Variants in TTC6 observed in about 807,000 individuals in gnomAD.
TTC6 encodes tetratricopeptide repeat domain 6, also known as tetratricopeptide repeat protein 6.
In TTC6, 172 loss-of-function variants were observed where a neutral mutation model predicts 210.4. The observed-to-expected ratio is 0.82, with a 90% CI of 0.72 to 0.93. The LOEUF is 0.93. Among genes scored for constraint, TTC6 ranks in the 40% least tolerant of loss-of-function variants. The pLI is 0.00. For missense variants in TTC6, 2,414 were observed against 2,318.1 expected, an observed-to-expected ratio of 1.04 and a Z score of -0.85; for synonymous variants, 804 against 819.6, an observed-to-expected ratio of 0.98 and a Z score of 0.32.
At position 37,722,912 on chromosome 14, in the gene TTC6, G is replaced by C. The variant is rs1356067862; in HGVS notation, c.1714-1986G>C. Among the ~76,000 whole-genome samples, 3 of 152,222 alleles carry C rather than the reference G, an allele frequency of 2.0e-5. 1 individual carries two copies. The highest frequency in any genetic ancestry group is 6.8e-3 in the Middle Eastern group (2 of 292). On this transcript the variant is annotated intron_variant, in intron 6 of 30. Coordinates refer to ENST00000553443, the Ensembl canonical transcript of TTC6. ...TATGCTCCACCTCTTTGAGGGTAGA[G>C]TGTCTACAAAAATTTATTAGAACTC... is the stretch of plus-strand genomic sequence containing the variant.
chr14:37,790,692 A>T, intron 15 of TTC6, 25 bp from the exon 18 acceptor site: 1 of 1,518,806 alleles, frequency 6.6e-7, no homozygotes, highest in Non-Finnish European at 8.8e-7. Context: ...ACCTGAATGA[A>T]ATACATTTTT....
intron 1 of TTC6, among the ~76,000 whole-genome samples, chr14:37,638,745 G>A (rs188409322): frequency 4.9e-4 from 75 of 152,204 alleles, no homozygotes; most frequent in Admixed American, 3.9e-3. Context: ...CAATGGTACC[G>A]TTGGCAAAAG....
chr14:37,709,615 C>T (rs1477813040), intron 5 of TTC6, among the ~76,000 whole-genome samples: 1 of 150,432 alleles, frequency 6.6e-6, no homozygotes, highest in African/African-American at 2.5e-5. Context: ...ATCATTCCAC[C>T]AGATGTCACT....
At chr14:37,724,028 A>T (rs760836125) in intron 6 of TTC6, among the ~76,000 whole-genome samples, 26 of 152,274 alleles carry the variant, frequency 1.7e-4, no homozygotes, top group East Asian at 3.9e-4. Flanking sequence ...CCTAAAAAAA[A>T]ATCTCCTAGG....
intron 3 of TTC6, among the ~76,000 whole-genome samples, chr14:37,695,205 A>G (rs951957663): frequency 7.9e-5 from 12 of 152,086 alleles, no homozygotes; most frequent in African/African-American, 2.9e-4. Context: ...GAACCCATGG[A>G]GATAGAGAGT....
At chr14:37,666,261 C>G (rs538078006) in intron 1 of TTC6, among the ~76,000 whole-genome samples, 1 of 149,728 alleles carries the variant, frequency 6.7e-6, no homozygotes, top group Non-Finnish European at 1.5e-5. Context: ...CATCGATCTG[C>G]TTTATACACT....
chr14:37,663,953 A>C (rs1391984360), intron 1 of TTC6, among the ~76,000 whole-genome samples: 1 of 140,604 alleles, frequency 7.1e-6, no homozygotes, highest in Non-Finnish European at 1.7e-5. Context: ...AAGGGAAGTG[A>C]AGGACCTCTT....
intron 14 of TTC6, among the ~76,000 whole-genome samples, chr14:37,756,594 A>G (rs551960691): frequency 2.6e-5 from 4 of 152,290 alleles, no homozygotes; most frequent in African/African-American, 7.2e-5. Flanking sequence ...TTCTGCATCT[A>G]TTGAGATAAT....
intron 1 of TTC6, among the ~76,000 whole-genome samples, chr14:37,650,555 G>A (rs567665363): frequency 1.3e-5 from 2 of 152,282 alleles, no homozygotes; most frequent in Admixed American, 1.3e-4. Flanking sequence ...GCTTTCCTAT[G>A]GGAAAGTGTG....
At chr14:37,774,301 A>G (rs1394228995) in intron 14 of TTC6, among the ~76,000 whole-genome samples, 2 of 152,042 alleles carry the variant, frequency 1.3e-5, no homozygotes, top group African/African-American at 4.8e-5. Flanking sequence ...ACTATGGTCA[A>G]TAGGAGTGGT....
At chr14:37,736,300 T>C (rs2095901472) in intron 8 of TTC6, among the ~76,000 whole-genome samples, 1 of 152,080 alleles carries the variant, frequency 6.6e-6, no homozygotes, top group South Asian at 2.1e-4. Context: ...GGTGGGAGGA[T>C]GGTTTGAGCC....
At chr14:37,655,754 T>C (rs2095721251) in intron 1 of TTC6, among the ~76,000 whole-genome samples, 1 of 152,202 alleles carries the variant, frequency 6.6e-6, no homozygotes, top group Non-Finnish European at 1.5e-5. Flanking sequence ...TTGATACCAC[T>C]ACCCAGTATT....
intron 29 of TTC6, among the ~76,000 whole-genome samples, chr14:37,834,561 T>C (rs2139032755): frequency 6.6e-6 from 1 of 152,270 alleles, no homozygotes; most frequent in East Asian, 1.9e-4. Flanking sequence ...CTTTGTTCGA[T>C]TTCTCATCTA....
chr14:37,824,577 CCTT>C (rs1435523221), intron 27 of TTC6, among the ~76,000 whole-genome samples: 1 of 152,140 alleles, frequency 6.6e-6, no homozygotes, highest in African/African-American at 2.4e-5. Context: ...GATTATACTT[CCTT>C]CTTCTTGCAG....
exon 11 of TTC6, chr14:37,749,053 C>T (rs866156788): frequency 7.2e-6 from 11 of 1,535,682 alleles, no homozygotes; most frequent in East Asian, 2.4e-5. Context: ...TTGAAAAATT[C>T]GTCCAAGCTA....
intron 1 of TTC6, among the ~76,000 whole-genome samples, chr14:37,677,670 C>A (rs1278002046): frequency 6.6e-6 from 1 of 151,946 alleles, no homozygotes; most frequent in African/African-American, 2.4e-5. Flanking sequence ...ATATCCCTTT[C>A]TGGAACCCCA....
At chr14:37,600,407 C>G (rs1285665586) in intron 1 of TTC6, among the ~76,000 whole-genome samples, 1 of 152,182 alleles carries the variant, frequency 6.6e-6, no homozygotes, top group Admixed American at 6.5e-5. Flanking sequence ...AGGCTGGCAG[C>G]TTAAATCTAA....
chr14:37,649,954 C>T (rs769295001), intron 1 of TTC6, among the ~76,000 whole-genome samples: 9 of 152,192 alleles, frequency 5.9e-5, no homozygotes, highest in South Asian at 2.1e-4. Flanking sequence ...TTAATTACAT[C>T]GTAACTGCTA....
chr14:37,655,142 C>G (rs1406644899), intron 1 of TTC6, among the ~76,000 whole-genome samples: 1 of 152,184 alleles, frequency 6.6e-6, no homozygotes, highest in East Asian at 1.9e-4. Flanking sequence ...GTAGCAGGCC[C>G]AGACATTTTG....
Sources: allele counts gnomAD v4.1 joint callset (sites outside exome capture counted in the v4.1 genomes callset), GRCh38; gene constraint gnomAD v4.1.1; transcripts MANE v1.5; gene names NCBI Gene and HGNC (gene_info 2026-07-23, HGNC 2026-07-21).